NEK5: variants seen among roughly 807,000 people sequenced by gnomAD.
NEK5 encodes serine/threonine-protein kinase Nek5.
Under a neutral mutation model 109.2 loss-of-function variants are expected in NEK5, and 88 were observed. The observed-to-expected ratio is 0.81, with a 90% CI of 0.68 to 0.96. NEK5 has a LOEUF of 0.96. Ranked by LOEUF, NEK5 falls within the 40% of genes least tolerant of loss-of-function variation. The pLI is 0.00. For synonymous variants in NEK5, 283 were observed against 299.9 expected, an observed-to-expected ratio of 0.94 and a Z score of 0.58; for missense variants, 834 against 920.7, an observed-to-expected ratio of 0.91 and a Z score of 1.22.
chr13:52,093,329 G>A (rs931453522), intron 12 of NEK5, 94 bp from the exon 13 acceptor site: 2 of 859,454 alleles, frequency 2.3e-6, no homozygotes, highest in South Asian at 1.8e-5. Context: ...GGAGGCTGAG[G>A]CGGGTGGATC....
rs1488211552 is a variant in NEK5 at position 52,035,475 on chromosome 13, C to G, written c.*1473G>C. 1 of 152,134 alleles carries G rather than the reference C, an allele frequency of 6.6e-6. No homozygotes were observed. The highest frequency in any genetic ancestry group is 2.4e-5 in the African/African-American group (1 of 41,428). The allele number at this position is 152,134 out of a possible 1,614,324, so 9.4% of individuals were successfully genotyped here. ...TCTACCACCCTGAAATGTAACCACC[C>G]TCTCCTTCCTAAGCCCAGACATACT... On this transcript the variant is annotated 3_prime_UTR_variant, in exon 24 of 24. Coordinates refer to ENST00000684899, the MANE Select transcript of NEK5 (RefSeq NM_001365552.1).
intron 21 of NEK5, among the ~76,000 whole-genome samples, chr13:52,063,708 G>C (rs541386955): frequency 1.3e-5 from 2 of 151,294 alleles, no homozygotes; most frequent in Non-Finnish European, 2.9e-5. Context: ...TGTGAGAAGC[G>C]CCTCTGCCCG....
At chr13:52,037,251 G>T in intron 23 of NEK5, 33 bp from the exon 24 acceptor site, 1 of 933,076 alleles carries the variant, frequency 1.1e-6, no homozygotes, top group Non-Finnish European at 1.3e-6. Flanking sequence ...TCAGCATTAT[G>T]ATATGAAAGT....
At chr13:52,071,054 A>G (rs1415737149) in intron 20 of NEK5, among the ~76,000 whole-genome samples, 1 of 152,222 alleles carries the variant, frequency 6.6e-6, no homozygotes, top group African/African-American at 2.4e-5. Flanking sequence ...TGAAGCCTAC[A>G]CCACACTACT....
chr13:52,054,723 C>T (rs1217493250), intron 22 of NEK5, among the ~76,000 whole-genome samples: 1 of 152,212 alleles, frequency 6.6e-6, no homozygotes, highest in South Asian at 2.1e-4. Flanking sequence ...CTCCAACAGA[C>T]CTGCAGCTGA....
At chr13:52,111,428 T>G (rs989959798) in intron 5 of NEK5, among the ~76,000 whole-genome samples, 1 of 152,202 alleles carries the variant, frequency 6.6e-6, no homozygotes, top group Non-Finnish European at 1.5e-5. Context: ...GAATTTAATA[T>G]ATAATATAAA....
chr13:52,079,829 C>A (rs776431800), intron 17 of NEK5, among the ~76,000 whole-genome samples: 54 of 140,602 alleles, frequency 3.8e-4, no homozygotes, highest in African/African-American at 1.1e-3. Flanking sequence ...GTCTCTGCCC[C>A]GCCGCCATCC....
At chr13:52,127,107 C>T (rs1248640450) in intron 3 of NEK5, among the ~76,000 whole-genome samples, 3 of 152,142 alleles carry the variant, frequency 2.0e-5, no homozygotes, top group African/African-American at 7.2e-5. Flanking sequence ...CTATCTCGAA[C>T]TCCTGGCTTC....
chr13:52,119,541 C>A (rs906081569), intron 3 of NEK5, 126 bp from the exon 4 acceptor site: 16 of 507,722 alleles, frequency 3.2e-5, no homozygotes, highest in Non-Finnish European at 5.7e-5. Context: ...TGAAAACGAT[C>A]TTTCAATGGC....
chr13:52,115,433 T>A (rs1288065018), intron 4 of NEK5, among the ~76,000 whole-genome samples: 1 of 150,806 alleles, frequency 6.6e-6, no homozygotes, highest in Non-Finnish European at 1.5e-5. Context: ...AGTGAAACCC[T>A]GTCCCTACTA....
intron 9 of NEK5, among the ~76,000 whole-genome samples, chr13:52,103,553 C>T (rs975518802): frequency 6.6e-6 from 1 of 152,240 alleles, no homozygotes; most frequent in East Asian, 1.9e-4. Context: ...TCAGAAAGGC[C>T]TGCTTACAAT....
At chr13:52,090,332 A>G (rs1260039795) in intron 13 of NEK5, among the ~76,000 whole-genome samples, 3 of 152,248 alleles carry the variant, frequency 2.0e-5, no homozygotes, top group Non-Finnish European at 4.4e-5. Flanking sequence ...CCAAAGACAG[A>G]ACTGTAATTT....
intron 7 of NEK5, among the ~76,000 whole-genome samples, chr13:52,109,847 G>T (rs551507774): frequency 6.6e-6 from 1 of 152,088 alleles, no homozygotes; most frequent in East Asian, 1.9e-4. Flanking sequence ...TGCTTTTCTG[G>T]ACCAAACCCA....
intron 14 of NEK5, among the ~76,000 whole-genome samples, chr13:52,087,774 C>T (rs1955182440): frequency 6.6e-6 from 1 of 151,816 alleles, no homozygotes; most frequent in African/African-American, 2.4e-5. Context: ...TACAGGCACC[C>T]GCCACCACAC....
rs193185115 is a variant in NEK5 at position 52,094,476 on chromosome 13, T to C, written c.1027-1241A>G. On this transcript the variant is annotated intron_variant, in intron 12 of 23. Coordinates refer to ENST00000684899, the MANE Select transcript of NEK5 (RefSeq NM_001365552.1). ...TATATGGTTCACATATATGTTAGAT[T>C]GGACCATATGAAATTGCACATAATT... Among the ~76,000 whole-genome samples, 4 of 152,370 alleles carry C rather than the reference T, an allele frequency of 2.6e-5. No homozygotes were observed. The East Asian group carries it at 7.7e-4, about 29-fold the overall frequency.
At chr13:52,064,097 G>A (rs1202171726) in intron 21 of NEK5, among the ~76,000 whole-genome samples, 1 of 146,608 alleles carries the variant, frequency 6.8e-6, no homozygotes, top group Admixed American at 6.7e-5. Flanking sequence ...CGGGAGGTGA[G>A]GGGTGCCTCT....
intron 3 of NEK5, among the ~76,000 whole-genome samples, chr13:52,122,349 T>C (rs773529033): frequency 2.6e-5 from 4 of 152,214 alleles, no homozygotes; most frequent in African/African-American, 7.2e-5. Context: ...ACCCTGCAGG[T>C]GGTCCCTTTA....
At chr13:52,125,471 G>A (rs1482497177) in intron 3 of NEK5, among the ~76,000 whole-genome samples, 1 of 152,214 alleles carries the variant, frequency 6.6e-6, no homozygotes, top group Non-Finnish European at 1.5e-5. Context: ...GCTGAGGCAG[G>A]AGAATGGCAT....
At chr13:52,089,783 C>T (rs1026409022) in intron 13 of NEK5, among the ~76,000 whole-genome samples, 1 of 151,902 alleles carries the variant, frequency 6.6e-6, no homozygotes, top group East Asian at 1.9e-4. Flanking sequence ...GTCAGGAGTT[C>T]GAGATCAGCC....
Sources: gnomAD v4.1 joint callset for allele counts (sites outside exome capture counted in the v4.1 genomes callset) on GRCh38, gnomAD v4.1.1 for gene constraint, MANE v1.5 for transcripts, NCBI Gene and HGNC (gene_info 2026-07-23, HGNC 2026-07-21) for gene names.